MBD5: variants seen among roughly 807,000 people sequenced by gnomAD.
MBD5 encodes methyl-CpG binding domain protein 5.
A neutral mutation model predicts 117.3 loss-of-function variants in MBD5; 13 were observed. The observed-to-expected ratio is 0.11, with a 90% confidence interval of 0.07 to 0.18. MBD5 has a LOEUF of 0.18. MBD5 is among the 10% of genes least tolerant of loss of function. MBD5 has a pLI of 1.00. For synonymous variants in MBD5, 727 were observed against 766.4 expected, an observed-to-expected ratio of 0.95 and a Z score of 0.85; for missense variants, 1,879 against 2,093.8, an observed-to-expected ratio of 0.90 and a Z score of 2.00.
chr2:148,447,235 G>GAAA (rs1559075770), intron 4 of MBD5, among the ~76,000 whole-genome samples: 35 of 82,852 alleles, frequency 4.2e-4, no homozygotes, highest in African/African-American at 1.1e-3. Flanking sequence ...AAGAAAGAAA[G>GAAA]GGAAAGGAGG....
intron 4 of MBD5, among the ~76,000 whole-genome samples, chr2:148,402,731 A>C (rs1469116648): frequency 6.6e-6 from 1 of 152,182 alleles, no homozygotes; most frequent in Non-Finnish European, 1.5e-5. Context: ...ATGTTCCACT[A>C]TATGGATATA....
At chr2:148,360,121 G>A (rs1273417505) in intron 4 of MBD5, among the ~76,000 whole-genome samples, 3 of 152,018 alleles carry the variant, frequency 2.0e-5, no homozygotes, top group Non-Finnish European at 4.4e-5. Flanking sequence ...GAAAGAAATT[G>A]CAAATGCAGT....
At chr2:148,148,106 A>G (rs1213377969) in intron 1 of MBD5, among the ~76,000 whole-genome samples, 1 of 152,170 alleles carries the variant, frequency 6.6e-6, no homozygotes, top group Non-Finnish European at 1.5e-5. Flanking sequence ...GCCACTGATT[A>G]TTTTTGACAA....
rs551623354 is a variant in MBD5, at chr2:148,116,490, T to G, written c.-924-62210T>G. ...ACAAACAATGGGATTCATCTGTTGCTTCTCAGATTAACTGAGCTTAAAAAT... is the reference window on the plus strand; with the variant it reads ...ACAAACAATGGGATTCATCTGTTGCGTCTCAGATTAACTGAGCTTAAAAAT... On this transcript the variant is annotated intron_variant, in intron 1 of 13. Coordinates refer to ENST00000642680, the MANE Select transcript of MBD5 (RefSeq NM_001378120.1). 1.3e-4 allele frequency among the ~76,000 whole-genome samples: 20 copies of G among 152,360 alleles called. No individual in the cohort carries two copies. In the East Asian group the frequency reaches 3.7e-3, roughly 28 times the overall value.
At chr2:148,328,672 G>A (rs992242803) in intron 3 of MBD5, among the ~76,000 whole-genome samples, 5 of 152,364 alleles carry the variant, frequency 3.3e-5, no homozygotes, top group Admixed American at 3.3e-4. Context: ...CGCTTCCCGA[G>A]TGAGGCAATG....
intron 4 of MBD5, among the ~76,000 whole-genome samples, chr2:148,391,515 T>G (rs1441829730): frequency 6.6e-6 from 1 of 152,200 alleles, no homozygotes; most frequent in Non-Finnish European, 1.5e-5. Context: ...CTGAATGTAA[T>G]GTTTGACTTT....
intron 3 of MBD5, among the ~76,000 whole-genome samples, chr2:148,324,239 A>T (rs1165013369): frequency 5.3e-5 from 8 of 152,062 alleles, no homozygotes; most frequent in Admixed American, 5.2e-4. Context: ...TGTTTTGGTT[A>T]CTGTAGCCTT....
At chr2:148,026,018 T>C (rs1245373111) in intron 1 of MBD5, 1 of 152,206 alleles carries the variant, frequency 6.6e-6, no homozygotes, top group African/African-American at 2.4e-5. Context: ...AAATTTGCCT[T>C]TCTTAAAGTA....
At chr2:148,087,133 C>G (rs952370371) in intron 1 of MBD5, among the ~76,000 whole-genome samples, 2 of 152,180 alleles carry the variant, frequency 1.3e-5, no homozygotes, top group South Asian at 4.1e-4. Flanking sequence ...GGAACCACCA[C>G]AGGAGTATAC....
chr2:148,079,191 A>G (rs1051258080), intron 1 of MBD5, among the ~76,000 whole-genome samples: 2 of 152,224 alleles, frequency 1.3e-5, no homozygotes, highest in Non-Finnish European at 2.9e-5. Flanking sequence ...GTGCTAATTC[A>G]TAAAATGCTG....
At chr2:148,309,551 A>G (rs2656323) in intron 3 of MBD5, among the ~76,000 whole-genome samples, 147,094 of 152,230 alleles carry the variant, frequency 0.97, 71,236 homozygotes, top group East Asian at 1. Flanking sequence ...GGGCTGAGAC[A>G]ATGGGGTTTT....
At chr2:148,110,308 C>A (rs2105346494) in intron 1 of MBD5, among the ~76,000 whole-genome samples, 1 of 152,220 alleles carries the variant, frequency 6.6e-6, no homozygotes, top group Middle Eastern at 3.4e-3. Flanking sequence ...TTGTCTAAAT[C>A]TTTTCTGGTA....
intron 1 of MBD5, among the ~76,000 whole-genome samples, chr2:148,034,916 T>G (rs1432353018): frequency 6.6e-6 from 1 of 152,204 alleles, no homozygotes; most frequent in Non-Finnish European, 1.5e-5. Context: ...CTGTAGAGCT[T>G]TCAGAGACAT....
chr2:148,196,419 A>G (rs1193979995), intron 2 of MBD5, among the ~76,000 whole-genome samples: 1 of 152,162 alleles, frequency 6.6e-6, no homozygotes, highest in East Asian at 1.9e-4. Context: ...TGTAATGCCT[A>G]TAACTATATG....
chr2:148,486,202 C>T (rs1263044763), intron 10 of MBD5, among the ~76,000 whole-genome samples: 4 of 152,050 alleles, frequency 2.6e-5, no homozygotes, highest in Non-Finnish European at 4.4e-5. Context: ...CCCTCATAAG[C>T]CCTTTTGTCA....
intron 2 of MBD5, among the ~76,000 whole-genome samples, chr2:148,212,400 C>T (rs532218757): frequency 6.6e-6 from 1 of 152,212 alleles, no homozygotes; most frequent in South Asian, 2.1e-4. Context: ...CAGTATATAT[C>T]AGAATTCCAT....
chr2:148,366,033 T>G (rs946210926), intron 4 of MBD5, among the ~76,000 whole-genome samples: 3 of 152,092 alleles, frequency 2.0e-5, no homozygotes, highest in African/African-American at 7.2e-5. Flanking sequence ...AAATACTAAA[T>G]CTCAGGCCAA....
chr2:148,133,831 TAATAA>T (rs978952672), intron 1 of MBD5, among the ~76,000 whole-genome samples: 3 of 151,916 alleles, frequency 2.0e-5, no homozygotes, highest in African/African-American at 2.4e-5. Context: ...CTCAAAATAA[TAATAA>T]AATAAAATAA....
chr2:148,146,802 T>A (rs545013320), intron 1 of MBD5, among the ~76,000 whole-genome samples: 2 of 152,278 alleles, frequency 1.3e-5, no homozygotes, highest in South Asian at 4.1e-4. Flanking sequence ...TTTTTGTTTC[T>A]TATATAAGAT....
Sources: gnomAD v4.1 joint callset for allele counts (sites outside exome capture counted in the v4.1 genomes callset) on GRCh38, gnomAD v4.1.1 for gene constraint, MANE v1.5 for transcripts, NCBI Gene and HGNC (gene_info 2026-07-23, HGNC 2026-07-21) for gene names.